The following PGM2L1 variants were observed in gnomAD, a reference collection of about 807,000 sequenced individuals.
PGM2L1 encodes the protein phosphoglucomutase 2 like 1.
In PGM2L1, 35 loss-of-function variants were observed where a neutral mutation model predicts 73.4. That is an observed-to-expected ratio of 0.48 (90% confidence interval 0.36 to 0.63). PGM2L1 has a LOEUF of 0.63. Among genes scored for constraint, PGM2L1 ranks in the 30% least tolerant of loss-of-function variants. PGM2L1 has a pLI of 0.00. For synonymous variants in PGM2L1, 225 were observed against 253.8 expected (o/e 0.89, Z 1.08); for missense variants, 570 against 742.0 (o/e 0.77, Z 2.69).
chr11:74,376,865 TA>T, intron 1 of PGM2L1, among the ~76,000 whole-genome samples: 1 of 152,114 alleles, frequency 6.6e-6, no homozygotes, highest in African/African-American at 2.4e-5. Flanking sequence ...CAAAAAAAGC[TA>T]AATAATTATG....
intron 5 of PGM2L1, chr11:74,354,729 AACACCAGGT>A (rs1862416127): frequency 9.4e-7 from 1 of 1,069,358 alleles, no homozygotes; most frequent in Non-Finnish European, 1.4e-6. Context: ...AAAATTCTCA[AACACCAGGT>A]GCCCACTTAA....
intron 5 of PGM2L1, among the ~76,000 whole-genome samples, chr11:74,364,715 G>C (rs1862626273): frequency 6.6e-6 from 1 of 152,038 alleles, no homozygotes; most frequent in Admixed American, 6.5e-5. Context: ...AAATAAAAGA[G>C]GACACAAACA....
intron 1 of PGM2L1, 73 bp from the exon 2 acceptor site, chr11:74,374,655 C>A: frequency 7.9e-7 from 1 of 1,258,020 alleles, no homozygotes; most frequent in Non-Finnish European, 1.1e-6. Context: ...TCTGAGGGGT[C>A]AATATGTACA....
chr11:74,344,399 A>C (rs536158710), intron 9 of PGM2L1, among the ~76,000 whole-genome samples: 2 of 152,128 alleles, frequency 1.3e-5, no homozygotes, highest in Non-Finnish European at 2.9e-5. Context: ...TAAAACCACC[A>C]AGACAGTTAC....
At position 74,336,176 on chromosome 11, in the gene PGM2L1, T is replaced by A. The variant is rs1862092163; in HGVS notation, c.*476A>T. The A allele has an allele frequency of 6.6e-6, 1 of 152,300 alleles. No homozygotes were observed. Among genetic ancestry groups the A allele is most frequent in the South Asian group, 2.1e-4 (1 of 4,838 alleles). 9.4% of individuals were successfully genotyped at this position (152,300 alleles called of 1,614,324 possible). ...TAAATTAATACCTGTGATGTCACAA[T>A]GACACTTTTTCATAACAATCAAGGA... On this transcript the variant is annotated 3_prime_UTR_variant, in exon 14 of 14. Transcript: ENST00000298198.
At chr11:74,337,623 C>G (rs1246609635) in intron 13 of PGM2L1, among the ~76,000 whole-genome samples, 2 of 152,140 alleles carry the variant, frequency 1.3e-5, no homozygotes, top group African/African-American at 4.8e-5. Context: ...CACTTAGTCA[C>G]AATTCATCCT....
intron 5 of PGM2L1, among the ~76,000 whole-genome samples, chr11:74,367,284 A>G (rs892643589): frequency 6.6e-6 from 1 of 152,162 alleles, no homozygotes; most frequent in African/African-American, 2.4e-5. Flanking sequence ...GCAGTTGGCT[A>G]TGTAGTCAGA....
chr11:74,346,633 C>T (rs148567465), intron 8 of PGM2L1, 99 bp downstream of exon 8: 10,865 of 902,390 alleles, frequency 0.012, 126 homozygotes, highest in Non-Finnish European at 0.012. Flanking sequence ...AATTTATGTT[C>T]TTTTCTTATC....
chr11:74,377,762 G>C (rs978978229), intron 1 of PGM2L1, among the ~76,000 whole-genome samples: 5 of 152,156 alleles, frequency 3.3e-5, no homozygotes, highest in Non-Finnish European at 5.9e-5. Context: ...CTACTTGTGT[G>C]TCTATGTGAA....
In PGM2L1 at chr11:74,334,812, C is replaced by G. The variant is rs1862068249; in HGVS notation, c.*1840G>C. 1 of 152,036 alleles carries G rather than the reference C, an allele frequency of 6.6e-6. No individual in the cohort carries two copies. The highest frequency in any genetic ancestry group is 1.5e-5 in the Non-Finnish European group (1 of 68,010). 9.4% of individuals were successfully genotyped at this position (152,036 alleles called of 1,614,324 possible). A position where few individuals can be genotyped will look rare whatever the true frequency, so the allele number is the denominator to read the frequency against. On this transcript the variant is annotated 3_prime_UTR_variant, in exon 14 of 14. Transcript: ENST00000298198. ...TTTGTTTAGGTCTTGTTATTGTTATCTCCTAACTATACCCCATATGTATTC... is the reference window on the plus strand; with the variant it reads ...TTTGTTTAGGTCTTGTTATTGTTATGTCCTAACTATACCCCATATGTATTC...
At chr11:74,338,680 T>C in intron 12 of PGM2L1, 79 bp from the exon 13 acceptor site, 4 of 1,467,486 alleles carry the variant, frequency 2.7e-6, no homozygotes, top group South Asian at 2.8e-5. Flanking sequence ...TTGTAAAATA[T>C]AGTCCACTTA....
intron 1 of PGM2L1, among the ~76,000 whole-genome samples, chr11:74,383,296 C>A (rs2134945724): frequency 6.6e-6 from 1 of 151,882 alleles, no homozygotes; most frequent in Admixed American, 6.6e-5. Context: ...ACCATACATG[C>A]AATACAATTC....
At chr11:74,343,290 C>A (rs1862211020) in intron 10 of PGM2L1, 33 bp downstream of exon 10, 11 of 1,536,744 alleles carry the variant, frequency 7.2e-6, no homozygotes, top group South Asian at 2.6e-5. Context: ...AATTATCAAT[C>A]AAATTTTGAA....
intron 5 of PGM2L1, 112 bp downstream of exon 5, chr11:74,368,380 T>C (rs1460228444): frequency 1.2e-6 from 1 of 859,788 alleles, no homozygotes; most frequent in African/African-American, 1.7e-5. Context: ...TTTAACTTTC[T>C]GTTCCCAATG....
Position 74,331,079 on chromosome 11 carries a change from A to G in PGM2L1, c.*5573T>C, listed in dbSNP as rs1565431068. ...TATAACAGGTACTGAACTAGGTGGTATGGATATGAAAAATAATAAACCACG... is the reference window on the plus strand; with the variant it reads ...TATAACAGGTACTGAACTAGGTGGTGTGGATATGAAAAATAATAAACCACG... On this transcript the variant is annotated 3_prime_UTR_variant, in exon 14 of 14. Coordinates refer to ENST00000298198, the MANE Select transcript of PGM2L1 (RefSeq NM_173582.6). The G allele has an allele frequency of 6.6e-6, 1 of 152,124 alleles. No individual in the cohort carries two copies. Among genetic ancestry groups the G allele is most frequent in the Non-Finnish European group, 1.5e-5 (1 of 68,024 alleles). 9.4% of individuals were successfully genotyped at this position (152,124 alleles called of 1,614,324 possible).
chr11:74,334,570 A>T lies in PGM2L1; in HGVS notation c.*2082T>A, dbSNP rs1161382134. 6.6e-6 allele frequency: 1 copy of T among 152,244 alleles called. No homozygotes were observed. The highest frequency in any genetic ancestry group is 2.4e-5 in the African/African-American group (1 of 41,474). 9.4% of individuals were successfully genotyped at this position (152,244 alleles called of 1,614,324 possible). ...ATCTACAGTCATACAGTCATATAAG[A>T]TCCAACAATAAGAAAGTAAGGAAGG... On this transcript the variant is annotated 3_prime_UTR_variant, in exon 14 of 14. Coordinates refer to ENST00000298198, the MANE Select transcript of PGM2L1 (RefSeq NM_173582.6).
At chr11:74,385,587 G>A (rs1863006602) in intron 1 of PGM2L1, among the ~76,000 whole-genome samples, 1 of 151,994 alleles carries the variant, frequency 6.6e-6, no homozygotes, top group African/African-American at 2.4e-5. Flanking sequence ...TTTTTATTCT[G>A]AGTAGGAGCT....
At chr11:74,351,603 A>T in intron 5 of PGM2L1, 27 bp from the exon 6 acceptor site, 2 of 1,515,524 alleles carry the variant, frequency 1.3e-6, no homozygotes, top group Non-Finnish European at 1.8e-6. Context: ...TATAACCATA[A>T]TTACTTAAAA....
chr11:74,385,407 G>C (rs1176864751), intron 1 of PGM2L1, among the ~76,000 whole-genome samples: 1 of 152,068 alleles, frequency 6.6e-6, no homozygotes, highest in Non-Finnish European at 1.5e-5. Context: ...TTGAAATCAT[G>C]TATCTTGTAG....
Sources: gnomAD v4.1 joint callset for allele counts (sites outside exome capture counted in the v4.1 genomes callset) on GRCh38, gnomAD v4.1.1 for gene constraint, MANE v1.5 for transcripts, NCBI Gene and HGNC (gene_info 2026-07-23, HGNC 2026-07-21) for gene names.